The following DHRSX variants were observed in gnomAD, a reference collection of about 807,000 sequenced individuals.
DHRSX encodes the protein dehydrogenase/reductase X-linked, also known as polyprenol dehydrogenase.
Under a neutral mutation model 34.0 loss-of-function variants are expected in DHRSX, and 31 were observed. That is an observed-to-expected ratio of 0.91 (90% CI 0.69 to 1.23). The LOEUF is 1.23. DHRSX is among the 50% of genes most tolerant of loss of function. The pLI, the probability that DHRSX is intolerant of heterozygous loss-of-function variation, is 0.00. For missense variants in DHRSX, 414 were observed against 428.1 expected (o/e 0.97, Z 0.29); for synonymous variants, 201 against 183.8 (o/e 1.09, Z -0.76).
At chrX:2,490,388 G>A in intron 1 of DHRSX, 2 of 1,613,790 alleles carry the variant, frequency 1.2e-6, no homozygotes, top group Non-Finnish European at 1.7e-6. Context: ...GGCCTTGACG[G>A]CCAGCGCGTC....
chrX:2,269,875 A>G (rs143461698), intron 4 of DHRSX, among the ~76,000 whole-genome samples: 272 of 152,276 alleles, frequency 1.8e-3, no homozygotes, highest in African/African-American at 6.0e-3. Context: ...GTATATATCT[A>G]TAGGTCTAGC....
At chrX:2,346,276 C>A (rs1464530458) in intron 3 of DHRSX, among the ~76,000 whole-genome samples, 4 of 152,014 alleles carry the variant, frequency 2.6e-5, no homozygotes, top group African/African-American at 7.2e-5. Context: ...GTACCATCTT[C>A]CCCTGACTGT....
intron 6 of DHRSX, among the ~76,000 whole-genome samples, chrX:2,230,938 C>T (rs73626166): frequency 0.027 from 4,173 of 152,170 alleles, 208 homozygotes; most frequent in African/African-American, 0.095. Flanking sequence ...CAAAATTGAA[C>T]GGTCTCAATG....
intron 1 of DHRSX, among the ~76,000 whole-genome samples, chrX:2,475,125 C>CA (rs2044657281): frequency 1.0e-5 from 1 of 96,878 alleles, no homozygotes; most frequent in African/African-American, 6.7e-5. Flanking sequence ...AACCAAGGGA[C>CA]CACTGCTGTG....
At chrX:2,259,449 A>C (rs139274883) in intron 5 of DHRSX, among the ~76,000 whole-genome samples, 1 of 150,180 alleles carries the variant, frequency 6.7e-6, no homozygotes, top group African/African-American at 2.4e-5. Context: ...ACAATACAAT[A>C]CAAATAAATA....
At chrX:2,464,674 G>A (rs1239217172) in intron 1 of DHRSX, among the ~76,000 whole-genome samples, 1 of 150,714 alleles carries the variant, frequency 6.6e-6, no homozygotes, top group East Asian at 2.0e-4. Context: ...CACTGAAGAC[G>A]TTCCCTAAGA....
At chrX:2,253,489 G>A (rs1482108490) in intron 5 of DHRSX, among the ~76,000 whole-genome samples, 3 of 151,698 alleles carry the variant, frequency 2.0e-5, no homozygotes, top group Admixed American at 6.6e-5. Flanking sequence ...CCAAGATGGC[G>A]CCACCACACT....
intron 3 of DHRSX, among the ~76,000 whole-genome samples, chrX:2,308,901 A>G (rs867780295): frequency 1.4e-5 from 2 of 141,718 alleles, no homozygotes; most frequent in African/African-American, 2.7e-5. Flanking sequence ...AGGAAGGAAG[A>G]AGGAGAAACA....
chrX:2,428,064 G>A (rs1485471306), intron 1 of DHRSX, among the ~76,000 whole-genome samples: 4 of 152,084 alleles, frequency 2.6e-5, no homozygotes, highest in South Asian at 2.1e-4. Context: ...ATGTGTACAC[G>A]TCGACATAGA....
chrX:2,374,714 G>A (rs1200665866), intron 3 of DHRSX, among the ~76,000 whole-genome samples: 4 of 136,588 alleles, frequency 2.9e-5, no homozygotes, highest in Admixed American at 1.5e-4. Context: ...ACTCTAGCCC[G>A]GGTGACAACA....
chrX:2,307,297 C>A (rs2068081412), intron 3 of DHRSX, among the ~76,000 whole-genome samples: 1 of 152,054 alleles, frequency 6.6e-6, no homozygotes, highest in African/African-American at 2.4e-5. Context: ...GCTGGCACAC[C>A]TGCGCATTCC....
chrX:2,225,126 T>C (rs895721282), intron 6 of DHRSX, among the ~76,000 whole-genome samples: 15 of 143,800 alleles, frequency 1.0e-4, no homozygotes, highest in African/African-American at 3.9e-4. Context: ...ACACACTCAT[T>C]CACATGCACT....
intron 2 of DHRSX, among the ~76,000 whole-genome samples, chrX:2,416,594 G>C (rs867610175): frequency 3.9e-5 from 6 of 152,080 alleles, no homozygotes; most frequent in Admixed American, 3.9e-4. Flanking sequence ...AGTTATGAGA[G>C]AAACATATGA....
At chrX:2,286,692 G>GGA (rs1556451491) in intron 4 of DHRSX, among the ~76,000 whole-genome samples, 4 of 146,924 alleles carry the variant, frequency 2.7e-5, no homozygotes, top group East Asian at 2.0e-4. Context: ...ACCCACAGAG[G>GGA]AAAAAAAAAA....
At chrX:2,354,152 C>A (rs1397594309) in intron 3 of DHRSX, among the ~76,000 whole-genome samples, 6 of 152,128 alleles carry the variant, frequency 3.9e-5, no homozygotes, top group Admixed American at 2.0e-4. Flanking sequence ...GGAATGGCTC[C>A]AACCCAATGG....
intron 3 of DHRSX, among the ~76,000 whole-genome samples, chrX:2,389,090 C>T (rs1479469278): frequency 6.6e-6 from 1 of 152,206 alleles, no homozygotes; most frequent in Non-Finnish European, 1.5e-5. Flanking sequence ...GGCAACGCTA[C>T]AAGACGAATA....
chrX:2,329,471 T>C (rs2042430383), intron 3 of DHRSX, among the ~76,000 whole-genome samples: 1 of 152,054 alleles, frequency 6.6e-6, no homozygotes, highest in Non-Finnish European at 1.5e-5. Flanking sequence ...AAGACAGTGA[T>C]GGTGAAAGCA....
chrX:2,346,703 T>C (rs775052789), intron 3 of DHRSX, among the ~76,000 whole-genome samples: 1 of 151,866 alleles, frequency 6.6e-6, no homozygotes, highest in Non-Finnish European at 1.5e-5. Context: ...GTGCAGAACA[T>C]GCAGGTTACA....
chrX:2,387,568 T>C (rs1414494269), intron 3 of DHRSX, among the ~76,000 whole-genome samples: 1 of 152,042 alleles, frequency 6.6e-6, no homozygotes, highest in African/African-American at 2.4e-5. Flanking sequence ...TGCCTGCTTA[T>C]AGTCTAGCCT....
Sources: gnomAD v4.1 joint callset for allele counts (sites outside exome capture counted in the v4.1 genomes callset) on GRCh38, gnomAD v4.1.1 for gene constraint, MANE v1.5 for transcripts, NCBI Gene and HGNC (gene_info 2026-07-23, HGNC 2026-07-21) for gene names.